FRMD4A: variants seen among roughly 807,000 people sequenced by gnomAD.
FRMD4A encodes FERM domain-containing protein 4A.
FRMD4A carries 29 observed loss-of-function variants against 129.1 expected under a neutral mutation model. That is an observed-to-expected ratio of 0.22 (90% CI 0.17 to 0.31). The LOEUF is 0.31. Ranked by LOEUF, FRMD4A falls within the 10% of genes least tolerant of loss-of-function variation. FRMD4A has a pLI of 1.00. For synonymous variants in FRMD4A, 634 were observed against 571.6 expected (o/e 1.11, Z -1.56); for missense variants, 1,272 against 1,375.8 (o/e 0.92, Z 1.19).
intron 2 of FRMD4A, among the ~76,000 whole-genome samples, chr10:13,962,046 T>C (rs200266529): frequency 0.29 from 42,769 of 149,006 alleles, 6,259 homozygotes; most frequent in Admixed American, 0.31. Flanking sequence ...CACGAATGAA[T>C]GAATGAATGA....
chr10:14,235,212 C>A (rs12255575), intron 2 of FRMD4A, among the ~76,000 whole-genome samples: 1 of 148,798 alleles, frequency 6.7e-6, no homozygotes, highest in African/African-American at 2.5e-5. Flanking sequence ...TGCAGTGGCG[C>A]GATCTCGGCT....
intron 2 of FRMD4A, among the ~76,000 whole-genome samples, chr10:14,133,245 C>T (rs962385946): frequency 1.3e-5 from 2 of 152,168 alleles, no homozygotes; most frequent in Non-Finnish European, 2.9e-5. Context: ...CAAGAAAATA[C>T]CACTTTGTTA....
intron 2 of FRMD4A, among the ~76,000 whole-genome samples, chr10:14,224,434 T>C (rs1843368113): frequency 1.3e-5 from 2 of 152,222 alleles, no homozygotes. Flanking sequence ...TTAGTTGACT[T>C]TGTCTTTCTT....
At chr10:14,090,365 G>T (rs1836590618) in intron 2 of FRMD4A, among the ~76,000 whole-genome samples, 1 of 152,224 alleles carries the variant, frequency 6.6e-6, no homozygotes, top group African/African-American at 2.4e-5. Flanking sequence ...GAGCGTAATT[G>T]GTAAATGTAG....
rs781154856 is a variant in FRMD4A at position 14,104,956 on chromosome 10, A to G, written c.45+225102T>C. On this transcript the variant is annotated intron_variant, in intron 2 of 24. Coordinates refer to ENST00000357447, the MANE Select transcript of FRMD4A (RefSeq NM_018027.5). ...TCTGGGCAGTGTTTGAGGGATCCAA[A>G]TGAACTCAGTTACACCAAGCTCTCC... is the stretch of plus-strand genomic sequence containing the variant. 2.0e-5 allele frequency among the ~76,000 whole-genome samples: 3 copies of G among 152,160 alleles called. 1 individual carries two copies. The highest frequency in any genetic ancestry group is 4.4e-5 in the Non-Finnish European group (3 of 68,016).
At chr10:13,916,578 G>A (rs1039600380) in intron 2 of FRMD4A, among the ~76,000 whole-genome samples, 1 of 152,200 alleles carries the variant, frequency 6.6e-6, no homozygotes, top group Non-Finnish European at 1.5e-5. Flanking sequence ...TACAGAAGAG[G>A]AACCTGAGGC....
At chr10:13,889,570 T>C (rs1241886418) in intron 2 of FRMD4A, among the ~76,000 whole-genome samples, 2 of 152,162 alleles carry the variant, frequency 1.3e-5, no homozygotes, top group African/African-American at 4.8e-5. Context: ...GATAACAATG[T>C]CTGCAAATTA....
chr10:14,175,328 C>T (rs946426192), intron 2 of FRMD4A, among the ~76,000 whole-genome samples: 9 of 151,582 alleles, frequency 5.9e-5, no homozygotes, highest in Middle Eastern at 3.4e-3. Context: ...CAAGATAGGG[C>T]GAGCCACTCT....
chr10:14,305,288 G>C (rs1846312372), intron 2 of FRMD4A, among the ~76,000 whole-genome samples: 1 of 152,182 alleles, frequency 6.6e-6, no homozygotes, highest in Non-Finnish European at 1.5e-5. Flanking sequence ...GCCTAAGGGA[G>C]ATTGCTGTGT....
At chr10:13,702,124 C>T (rs905648626) in intron 13 of FRMD4A, among the ~76,000 whole-genome samples, 46 of 152,242 alleles carry the variant, frequency 3.0e-4, no homozygotes, top group African/African-American at 9.6e-4. Flanking sequence ...CAGGCTGGAG[C>T]GTGCTGGCAA....
At chr10:13,962,081 T>A (rs2095449365) in intron 2 of FRMD4A, among the ~76,000 whole-genome samples, 1 of 148,612 alleles carries the variant, frequency 6.7e-6, no homozygotes, top group South Asian at 2.1e-4. Context: ...GAATGAATCT[T>A]CATTTAATTA....
At chr10:13,864,703 G>A (rs1000073135) in intron 2 of FRMD4A, among the ~76,000 whole-genome samples, 1 of 151,386 alleles carries the variant, frequency 6.6e-6, no homozygotes, top group Admixed American at 6.6e-5. Context: ...AGCCTCCCGA[G>A]TAGCTGGGAT....
chr10:13,738,475 C>G (rs2090781422), intron 11 of FRMD4A, among the ~76,000 whole-genome samples: 1 of 152,190 alleles, frequency 6.6e-6, no homozygotes, highest in Non-Finnish European at 1.5e-5. Context: ...CCGGGGAGCA[C>G]AGGCTGGAAG....
At chr10:14,177,683 G>T (rs1841780508) in intron 2 of FRMD4A, among the ~76,000 whole-genome samples, 1 of 152,134 alleles carries the variant, frequency 6.6e-6, no homozygotes, top group Non-Finnish European at 1.5e-5. Flanking sequence ...AAGGCCGGTT[G>T]TTTTCTGAAA....
At chr10:13,967,146 C>T (rs1370177681) in intron 2 of FRMD4A, among the ~76,000 whole-genome samples, 1 of 152,200 alleles carries the variant, frequency 6.6e-6, no homozygotes, top group Non-Finnish European at 1.5e-5. Context: ...ACCATCCTGG[C>T]TAACACGGTG....
intron 2 of FRMD4A, among the ~76,000 whole-genome samples, chr10:13,874,709 C>CTT (rs1165859868): frequency 7.2e-5 from 11 of 152,190 alleles, no homozygotes; most frequent in Admixed American, 6.5e-4. Flanking sequence ...TCCTTGGACT[C>CTT]TGTCATTTCT....
intron 4 of FRMD4A, among the ~76,000 whole-genome samples, chr10:13,808,828 G>A (rs1249655212): frequency 2.6e-5 from 4 of 152,194 alleles, no homozygotes; most frequent in Admixed American, 6.5e-5. Context: ...AGACTCTGGG[G>A]CAGGTGATGG....
chr10:14,080,236 C>T (rs1052095982), intron 2 of FRMD4A, among the ~76,000 whole-genome samples: 4 of 152,180 alleles, frequency 2.6e-5, no homozygotes, highest in Non-Finnish European at 5.9e-5. Flanking sequence ...CCCTACCCTG[C>T]AGCTGGAGTG....
chr10:13,668,541 C>T (rs190443368), intron 17 of FRMD4A: 4 of 152,342 alleles, frequency 2.6e-5, no homozygotes, highest in East Asian at 3.9e-4. Context: ...AGAGGAACCC[C>T]GCAGAATGCC....
Sources: gnomAD v4.1 joint callset for allele counts (sites outside exome capture counted in the v4.1 genomes callset) on GRCh38, gnomAD v4.1.1 for gene constraint, MANE v1.5 for transcripts, NCBI Gene and HGNC (gene_info 2026-07-23, HGNC 2026-07-21) for gene names.